MBNL3: variants seen among roughly 807,000 people sequenced by gnomAD.
MBNL3 encodes muscleblind like splicing regulator 3.
A neutral mutation model predicts 24.5 loss-of-function variants in MBNL3; 6 were observed. The ratio of observed to expected loss-of-function variants is 0.25; its 90% CI spans 0.13 to 0.48. The LOEUF (loss-of-function observed/expected upper bound fraction) is 0.48. Ranked by LOEUF, MBNL3 falls within the 20% of genes least tolerant of loss-of-function variation. The pLI, the probability that MBNL3 is intolerant of heterozygous loss-of-function variation, is 0.99. For missense variants in MBNL3, 230 were observed against 293.5 expected, an observed-to-expected ratio of 0.78 and a Z score of 1.58; for synonymous variants, 100 against 101.7, an observed-to-expected ratio of 0.98 and a Z score of 0.10.
intron 2 of MBNL3, among the ~76,000 whole-genome samples, chrX:132,414,689 A>G (rs183577331): frequency 7.2e-5 from 8 of 111,470 alleles, no homozygotes; most frequent in African/African-American, 1.3e-4. Context: ...ATTCCCGTTA[A>G]CATCTCTCTT....
At chrX:132,470,353 A>C (rs746783515) in intron 1 of MBNL3, among the ~76,000 whole-genome samples, 12 of 111,189 alleles carry the variant, frequency 1.1e-4, no homozygotes, top group Non-Finnish European at 2.1e-4. Flanking sequence ...GTGCTCAATA[A>C]AGTACGTTGA....
rs60044820 is a variant in MBNL3 at position 132,408,092 on chromosome X, C to CTTT, written c.178-1703_178-1701dup. On this transcript the variant is annotated intron_variant, in intron 2 of 8. Coordinates refer to ENST00000370853, the MANE Select transcript of MBNL3 (RefSeq NM_001386889.1). ...CCTGACCTCTCTTCTGAATTTCAGT[C>CTTT]TTTTTTTTTTTTTTTTTTTTTTTTT... Among the ~76,000 whole-genome samples, 12 of 22,566 alleles carry CTTT rather than the reference C, an allele frequency of 5.3e-4. 1 individual carries two copies. The highest frequency in any genetic ancestry group is 8.3e-4 in the Admixed American group (1 of 1,207). The allele number at this position is 22,566 out of a possible 115,157, so 19.6% of individuals were successfully genotyped here. A position where few individuals can be genotyped will look rare whatever the true frequency, so the allele number is the denominator to read the frequency against.
At position 132,392,154 on chromosome X, in the gene MBNL3, C is replaced by T. The variant is rs775284278; in HGVS notation, c.523G>A (p.Asp175Asn). The T allele has an allele frequency of 1.7e-6, 2 of 1,201,536 alleles. No individual in the cohort carries two copies. Among genetic ancestry groups the T allele is most frequent in the South Asian group, 3.7e-5 (2 of 54,790 alleles). The change falls in exon 4 of 9, where the codon GAT becomes AAT. Residue 175 changes from aspartate to asparagine, a missense_variant. Coordinates refer to ENST00000370853, the MANE Select transcript of MBNL3 (RefSeq NM_001386889.1). The stretch of plus-strand genomic sequence containing the variant: ...ATGTTCACAAATACCTCCAGTTTAT[C>T]TGAACGCATCAGTTTTGGGCCAACA... The part of the protein sequence containing the change: ...GAVGPKLMRS[D>N]KLEVCREFQR...
chrX:132,480,113 C>T (rs990580408), intron 1 of MBNL3, among the ~76,000 whole-genome samples: 1 of 111,622 alleles, frequency 9.0e-6, no homozygotes, highest in Admixed American at 9.5e-5. Context: ...GTTCACACCT[C>T]AGCTGCTTTA....
At chrX:132,391,480 C>G (rs1937167936) in intron 4 of MBNL3, among the ~76,000 whole-genome samples, 1 of 111,862 alleles carries the variant, frequency 8.9e-6, no homozygotes, top group Non-Finnish European at 1.9e-5. Flanking sequence ...TGAACCATAA[C>G]TGAGTTATAT....
rs1396085374 is a variant in MBNL3, at chrX:132,439,718, T to C, written c.-107A>G. On this transcript the variant is annotated 5_prime_UTR_variant, in exon 2 of 9. Coordinates refer to ENST00000370853, the MANE Select transcript of MBNL3 (RefSeq NM_001386889.1). ...AACTAAGTGCGAAGAGATAACAGGT[T>C]GCTTTGGTGAAATGTCTATTTGTTA... 20 of 1,038,712 alleles carry C rather than the reference T, an allele frequency of 1.9e-5. No homozygotes were observed. In the Admixed American group the frequency reaches 7.9e-4, roughly 41 times the overall value. The allele number at this position is 1,038,712 out of a possible 1,213,427, so 85.6% of individuals were successfully genotyped here. A position where few individuals can be genotyped will look rare whatever the true frequency, so the allele number is the denominator to read the frequency against.
chrX:132,480,329 C>T (rs771440750), intron 1 of MBNL3, among the ~76,000 whole-genome samples: 1 of 111,999 alleles, frequency 8.9e-6, no homozygotes, highest in South Asian at 3.7e-4. Context: ...CTTTCCATTC[C>T]TTTCCAAGTT....
At position 132,384,618 on chromosome X, in the gene MBNL3, T is replaced by C. The variant is rs145902461; in HGVS notation, c.958+45A>G. The C allele has an allele frequency of 0.028, 31,757 of 1,121,980 alleles. 418 individuals carry two copies. Among genetic ancestry groups the C allele is most frequent in the Non-Finnish European group, 0.033 (27,569 of 828,977 alleles). The allele number at this position is 1,121,980 out of a possible 1,213,427, so 92.5% of individuals were successfully genotyped here. A position where few individuals can be genotyped will look rare whatever the true frequency, so the allele number is the denominator to read the frequency against. On this transcript the variant is annotated intron_variant, in intron 7 of 8. Coordinates refer to ENST00000370853, the MANE Select transcript of MBNL3 (RefSeq NM_001386889.1). The stretch of plus-strand genomic sequence containing the variant: ...TTCATAGTCACAACAGAAAAACACA[T>C]TTTTTCAGATTAGAAAATGTTGATA...
intron 3 of MBNL3, among the ~76,000 whole-genome samples, chrX:132,400,895 TA>T (rs1170344860): frequency 8.0e-5 from 9 of 112,142 alleles, no homozygotes; most frequent in Admixed American, 2.8e-4. Flanking sequence ...AAGAGCATAT[TA>T]ACCTTATAAT....
At chrX:132,396,797 C>CATATATATATTCATATATACAT (rs1426259711) in intron 3 of MBNL3, among the ~76,000 whole-genome samples, 1 of 4,834 alleles carries the variant, frequency 2.1e-4, no homozygotes, top group African/African-American at 2.9e-3. Flanking sequence ...TATATATATT[C>CATATATATATTCATATATACAT]ATATATATTC....
chrX:132,399,859 T>C (rs965423450), intron 3 of MBNL3, among the ~76,000 whole-genome samples: 3 of 109,412 alleles, frequency 2.7e-5, no homozygotes. Context: ...TTCACCTCAT[T>C]TGTGATCAAC....
intron 2 of MBNL3, among the ~76,000 whole-genome samples, chrX:132,419,874 G>A (rs1447820352): frequency 5.3e-5 from 6 of 112,259 alleles, no homozygotes; most frequent in African/African-American, 1.9e-4. Flanking sequence ...ATGTAAACAT[G>A]CCAATAAAAT....
intron 2 of MBNL3, chrX:132,432,454 TA>T (rs1349951677): frequency 1.8e-5 from 2 of 110,698 alleles, no homozygotes; most frequent in African/African-American, 6.6e-5. Flanking sequence ...ATGTACCCAT[TA>T]GTAGTTAATT....
At chrX:132,447,469 C>T (rs981392781) in intron 1 of MBNL3, among the ~76,000 whole-genome samples, 4 of 111,706 alleles carry the variant, frequency 3.6e-5, no homozygotes, top group Non-Finnish European at 5.6e-5. Context: ...AGGTCCTTCA[C>T]ATCCCTTGTG....
intron 1 of MBNL3, among the ~76,000 whole-genome samples, chrX:132,468,335 G>A (rs939049789): frequency 1.8e-5 from 2 of 111,999 alleles, no homozygotes; most frequent in Non-Finnish European, 3.8e-5. Flanking sequence ...AATGTCAACC[G>A]TGACCTCTTA....
rs777633237 is a variant in MBNL3, at chrX:132,373,272, A to G, written c.*6394T>C. 2 of 111,854 alleles carry G rather than the reference A, an allele frequency of 1.8e-5. No individual in the cohort carries two copies. Among genetic ancestry groups the G allele is most frequent in the Non-Finnish European group, 3.8e-5 (2 of 53,044 alleles). The allele number at this position is 111,854 out of a possible 1,213,427, so 9.2% of individuals were successfully genotyped here. On this transcript the variant is annotated 3_prime_UTR_variant, in exon 9 of 9. Transcript: ENST00000370853. ...ATCTCTATTGACCTTAGAAAAATAC[A>G]TTCTTGAATCTGGCATATTCACAAA...
intron 2 of MBNL3, among the ~76,000 whole-genome samples, chrX:132,429,604 G>A (rs1944574268): frequency 8.9e-6 from 1 of 112,071 alleles, no homozygotes; most frequent in African/African-American, 3.2e-5. Flanking sequence ...TCATGAATCA[G>A]AAACAATAAA....
At chrX:132,451,320 A>G (rs2148474526) in intron 1 of MBNL3, among the ~76,000 whole-genome samples, 1 of 112,380 alleles carries the variant, frequency 8.9e-6, no homozygotes, top group Non-Finnish European at 1.9e-5. Context: ...AGTTTCATCT[A>G]TAAGCCCCTG....
At chrX:132,381,301 T>G in intron 8 of MBNL3, 4 of 706,748 alleles carry the variant, frequency 5.7e-6, no homozygotes, top group Non-Finnish European at 8.2e-6. Flanking sequence ...AGTGCAATTG[T>G]GTAAATAAAA....
Sources: gnomAD v4.1 joint callset for allele counts (sites outside exome capture counted in the v4.1 genomes callset) on GRCh38, gnomAD v4.1.1 for gene constraint, MANE v1.5 for transcripts, NCBI Gene and HGNC (gene_info 2026-07-23, HGNC 2026-07-21) for gene names.